LTBP4: variants seen among roughly 807,000 people sequenced by gnomAD.
LTBP4 encodes latent-transforming growth factor beta-binding protein 4.
LTBP4 carries 93 observed loss-of-function variants against 180.2 expected under a neutral mutation model. That is an observed-to-expected ratio of 0.52 (90% confidence interval 0.44 to 0.61). LTBP4 has a LOEUF of 0.61. LTBP4 is among the 20% of genes least tolerant of loss of function. LTBP4 has a pLI of 0.00. For synonymous variants in LTBP4, 947 were observed against 934.5 expected (o/e 1.01, Z -0.24); for missense variants, 2,116 against 2,256.5 (o/e 0.94, Z 1.26).
intron 11 of LTBP4, chr19:40,610,179 C>T: frequency 2.0e-6 from 1 of 504,474 alleles, no homozygotes; most frequent in Non-Finnish European, 3.5e-6. Flanking sequence ...ACTCCCTCCC[C>T]CAGGCCCCGC....
intron 26 of LTBP4, among the ~76,000 whole-genome samples, chr19:40,625,317 T>TATATATATATATATATA (rs2081625536): frequency 2.6e-5 from 1 of 38,134 alleles, no homozygotes; most frequent in Non-Finnish European, 4.2e-5. Flanking sequence ...TATATATATA[T>TATATATATATATATATA]TTTTTTTTTT....
upstream of LTBP4, among the ~76,000 whole-genome samples, chr19:40,596,472 C>T (rs2081391034): frequency 6.6e-6 from 1 of 151,690 alleles, no homozygotes; most frequent in South Asian, 2.1e-4. Flanking sequence ...CTGGGGGCGG[C>T]GATAAGTGGG....
Position 40,613,691 on chromosome 19 carries a change from C to T in LTBP4, c.2557+162C>T, listed in dbSNP as rs961657667. ...GGAGTCTCGAGGCAGTGAGGGGGGG[C>T]GGGGCGTGGAGATGAAAGGGCCGAG... On this transcript the variant is annotated intron_variant, in intron 17 of 29. Coordinates refer to ENST00000396819, the MANE Select transcript of LTBP4 (RefSeq NM_001042545.2). The surrounding 1 kb of genome is among the most constrained non-coding windows in gnomAD (Gnocchi z 5.0). 19 of 1,240,380 alleles carry T rather than the reference C, an allele frequency of 1.5e-5. No homozygotes were observed. In the Admixed American group the frequency reaches 1.6e-4, roughly 11 times the overall value. 76.8% of individuals were successfully genotyped at this position (1,240,380 alleles called of 1,614,324 possible). A position where few individuals can be genotyped will look rare whatever the true frequency, so the allele number is the denominator to read the frequency against.
chr19:40,620,503 T>C (rs2081579027), intron 22 of LTBP4, among the ~76,000 whole-genome samples: 1 of 151,772 alleles, frequency 6.6e-6, no homozygotes, highest in African/African-American at 2.4e-5. Flanking sequence ...AGGCTAGGAT[T>C]GGTGGCTGAA....
intron 19 of LTBP4, among the ~76,000 whole-genome samples, chr19:40,614,756 G>A (rs1459504137): frequency 6.6e-6 from 1 of 151,804 alleles, no homozygotes; most frequent in African/African-American, 2.4e-5. Flanking sequence ...CTTCCAATCG[G>A]CCTCTGGATT....
In LTBP4 at chr19:40,629,405, A is replaced by G. The variant is rs1425989155; in HGVS notation, c.4529A>G (p.Glu1510Gly). The G allele has an allele frequency of 1.9e-6, 3 of 1,612,820 alleles. No homozygotes were observed. The African/African-American group carries it at 4.0e-5, about 22-fold the overall frequency. ...TGTCTCCCCTCCGCAGACATCAACG[A>G]GTGTGATGAGGCCGAGGCTGCCTCC... ...MTRMACVDINECDEAEAASPL... is the reference protein window; with the variant it reads ...MTRMACVDINGCDEAEAASPL... The change falls in exon 30 of 30, where the codon GAG becomes GGG. Residue 1510 changes from glutamate to glycine, a missense_variant. Around this residue, in one of 5 missense-constraint regions of LTBP4, gnomAD observed 488 missense variants for 458.8 expected, o/e 1.06. Transcript: ENST00000396819. This position sits in a 1 kb window ranked among gnomAD's most constrained non-coding sequence, Gnocchi z 4.5.
chr19:40,604,891 A>C, intron 1 of LTBP4, 144 bp from the exon 2 acceptor site: 1 of 697,726 alleles, frequency 1.4e-6, no homozygotes, highest in South Asian at 1.9e-5. Context: ...GACTGGGCCA[A>C]TGCTGATGCC....
At chr19:40,599,387 T>A (rs769297927), upstream of LTBP4, 1 of 1,609,800 alleles carries the variant, frequency 6.2e-7, no homozygotes, top group Non-Finnish European at 8.5e-7. Flanking sequence ...CTTGGTCCCC[T>A]CCTTCCCCAC....
intron 22 of LTBP4, among the ~76,000 whole-genome samples, chr19:40,620,233 A>G (rs2081576834): frequency 7.2e-6 from 1 of 139,084 alleles, no homozygotes; most frequent in Non-Finnish European, 1.5e-5. Flanking sequence ...TTTTTTTTGA[A>G]AATTTTTTTT....
At chr19:40,620,268 T>G (rs2081577419) in intron 22 of LTBP4, among the ~76,000 whole-genome samples, 2 of 147,316 alleles carry the variant, frequency 1.4e-5, no homozygotes, top group South Asian at 2.2e-4. Context: ...TAAGACAGGG[T>G]CGTACTTTCA....
rs1052444573 is a variant in LTBP4 at position 40,610,641 on chromosome 19, C to G, written c.1794C>G (p.His598Gln). ...VCPAGYQAAP[H>Q]GASCQDVDEC... ...CCGCCGGGTACCAGGCTGCACCGCACGGAGCCAGCTGCCAGGGTGAGGGCC... is the reference window on the plus strand; with the variant it reads ...CCGCCGGGTACCAGGCTGCACCGCAGGGAGCCAGCTGCCAGGGTGAGGGCC... Residue 598 changes from histidine (H) to glutamine (Q), a missense_variant, in exon 12 of 30, where the codon CAC becomes CAG. Around this residue, in one of 5 missense-constraint regions of LTBP4, gnomAD observed 877 missense variants for 873.6 expected, o/e 1.00. Transcript: ENST00000396819. 1.3e-6 allele frequency: 2 copies of G among 1,582,600 alleles called. No individual in the cohort carries two copies.
intron 22 of LTBP4, among the ~76,000 whole-genome samples, chr19:40,621,114 T>C (rs1287552522): frequency 1.3e-5 from 2 of 152,132 alleles, no homozygotes; most frequent in African/African-American, 4.8e-5. Flanking sequence ...GCTAATTTTT[T>C]GTATTTTTAG....
At chr19:40,595,201 A>C (rs2081383926) in intron 1 of LTBP4, among the ~76,000 whole-genome samples, 2 of 151,908 alleles carry the variant, frequency 1.3e-5, no homozygotes, top group South Asian at 4.2e-4. Context: ...GTGGCCTGAA[A>C]CTCTGGAAAA....
At chr19:40,607,827 T>A (rs2081474641) in intron 7 of LTBP4, among the ~76,000 whole-genome samples, 1 of 152,184 alleles carries the variant, frequency 6.6e-6, no homozygotes, top group African/African-American at 2.4e-5. Flanking sequence ...TTTGACCAAG[T>A]CCTTGGCTTC....
At chr19:40,599,871 C>A (rs1010831563), upstream of LTBP4, 8 of 502,532 alleles carry the variant, frequency 1.6e-5, no homozygotes, top group Admixed American at 3.7e-5. Flanking sequence ...TCTTTCTCTC[C>A]CCCAACCCCC....
At chr19:40,612,344 C>A (rs2081514044) in intron 15 of LTBP4, among the ~76,000 whole-genome samples, 152 bp downstream of exon 15, 1 of 152,160 alleles carries the variant, frequency 6.6e-6, no homozygotes, top group African/African-American at 2.4e-5. Context: ...ACCTGGACCA[C>A]AACTCTTGAC....
intron 22 of LTBP4, among the ~76,000 whole-genome samples, chr19:40,621,731 C>T (rs1352189130): frequency 6.6e-6 from 1 of 152,002 alleles, no homozygotes; most frequent in Admixed American, 6.6e-5. Context: ...GAAGCTGTGT[C>T]CAAGACAAGG....
upstream of LTBP4, chr19:40,600,272 C>G (rs1026666076): frequency 1.7e-6 from 1 of 574,392 alleles, no homozygotes; most frequent in Admixed American, 4.4e-5. The surrounding 1 kb of genome is among the most constrained non-coding windows in gnomAD (Gnocchi z 4.4). Context: ...GCCTACCCGC[C>G]CCCCGTTGTA....
At chr19:40,603,985 G>A (rs949276281) in intron 1 of LTBP4, among the ~76,000 whole-genome samples, 1 of 152,278 alleles carries the variant, frequency 6.6e-6, no homozygotes, top group Non-Finnish European at 1.5e-5. Flanking sequence ...GAGTGGAGGC[G>A]CGTTCCCGCT....
Sources: gnomAD v4.1 joint callset for allele counts (sites outside exome capture counted in the v4.1 genomes callset) on GRCh38, gnomAD v4.1.1 for gene constraint, gnomAD v4.1.1 regional missense constraint, Gnocchi (gnomAD v3.1) non-coding constraint, MANE v1.5 for transcripts, NCBI Gene and HGNC (gene_info 2026-07-23, HGNC 2026-07-21) for gene names.